The following CWC27 variants were observed in gnomAD, a reference collection of about 807,000 sequenced individuals.
The protein encoded by CWC27 is CWC27 spliceosome associated cyclophilin.
In CWC27, 47 loss-of-function variants were observed where a neutral mutation model predicts 63.6. The observed-to-expected ratio is 0.74, with a 90% CI of 0.58 to 0.94. The LOEUF is 0.94. Ranked by LOEUF, CWC27 falls within the 40% of genes least tolerant of loss-of-function variation. The pLI is 0.00. For synonymous variants in CWC27, 175 were observed against 179.8 expected (o/e 0.97, Z 0.22); for missense variants, 495 against 554.3 (o/e 0.89, Z 1.07).
chr5:64,784,045 A>G, intron 4 of CWC27, 66 bp downstream of exon 4: 1 of 1,330,732 alleles, frequency 7.5e-7, no homozygotes, highest in Non-Finnish European at 1.0e-6. Context: ...TTAGACTTCT[A>G]AGATACATAT....
intron 13 of CWC27, among the ~76,000 whole-genome samples, chr5:65,014,943 T>G (rs995980088): frequency 6.6e-6 from 1 of 152,234 alleles, no homozygotes; most frequent in Non-Finnish European, 1.5e-5. Flanking sequence ...CTGAAGTAGT[T>G]TGTAAGCTGA....
chr5:64,954,740 A>T (rs1748774785), intron 11 of CWC27, among the ~76,000 whole-genome samples: 1 of 146,172 alleles, frequency 6.8e-6, no homozygotes, highest in Non-Finnish European at 1.5e-5. Context: ...CACAAACCAC[A>T]AGCCACAAGC....
At chr5:64,881,486 TGACA>T (rs1223170435) in intron 10 of CWC27, among the ~76,000 whole-genome samples, 5 of 152,162 alleles carry the variant, frequency 3.3e-5, no homozygotes, top group Non-Finnish European at 5.9e-5. Context: ...TATGCCCATA[TGACA>T]GACAGCTCTT....
chr5:64,971,609 C>T, intron 11 of CWC27, 94 bp from the exon 12 acceptor site: 1 of 973,654 alleles, frequency 1.0e-6, no homozygotes, highest in Non-Finnish European at 1.5e-6. Context: ...AGCCCAAGTG[C>T]CAACCTCCTC....
chr5:64,987,011 C>G (rs998212539), intron 13 of CWC27, among the ~76,000 whole-genome samples: 1 of 151,950 alleles, frequency 6.6e-6, no homozygotes, highest in Middle Eastern at 3.4e-3. Context: ...ACCAGAAGTG[C>G]CCTCCCTTTT....
chr5:64,952,926 A>G (rs1748738741), intron 11 of CWC27, among the ~76,000 whole-genome samples: 2 of 152,156 alleles, frequency 1.3e-5, no homozygotes, highest in South Asian at 4.1e-4. Context: ...AGTCTGCTAT[A>G]GAAAACAACA....
At chr5:64,823,744 C>G (rs1745280263) in intron 10 of CWC27, among the ~76,000 whole-genome samples, 1 of 152,154 alleles carries the variant, frequency 6.6e-6, no homozygotes, top group Non-Finnish European at 1.5e-5. Flanking sequence ...TAGAATTTTC[C>G]TGAAGGTGCG....
rs1460221831 is a variant in CWC27, at chr5:64,971,779, A to G, written c.1119A>G (p.Gln373=). 1.2e-6 allele frequency: 2 copies of G among 1,611,654 alleles called. No homozygotes were observed. Among genetic ancestry groups the G allele is most frequent in the African/African-American group, 2.7e-5 (2 of 74,714 alleles). Residue 373 remains glutamine (Q), a synonymous_variant, in exon 12 of 14, where the codon CAA becomes CAG. Coordinates refer to ENST00000381070, the MANE Select transcript of CWC27 (RefSeq NM_005869.4). The part of the protein sequence containing the change: ...EKQKYEALRK[Q]QSKKGTSRED... Reference sequence around the variant, plus strand: ...AAAAGTATGAAGCTTTGAGGAAGCAACAGTCAAAGAAGGGAACTTCCCGGG... The same window carrying G: ...AAAAGTATGAAGCTTTGAGGAAGCAGCAGTCAAAGAAGGGAACTTCCCGGG...
intron 11 of CWC27, among the ~76,000 whole-genome samples, chr5:64,896,517 A>G (rs1364296516): frequency 6.6e-6 from 1 of 152,214 alleles, no homozygotes; most frequent in Non-Finnish European, 1.5e-5. Flanking sequence ...TCGGAAAAGC[A>G]TTCTACGGCC....
chr5:64,874,255 G>T (rs1746743331), intron 10 of CWC27, among the ~76,000 whole-genome samples: 1 of 146,304 alleles, frequency 6.8e-6, no homozygotes, highest in Non-Finnish European at 1.5e-5. Context: ...TCTGCCTCCT[G>T]GGTTCAAGTT....
chr5:64,822,989 A>G (rs935871173), intron 10 of CWC27, among the ~76,000 whole-genome samples: 4 of 152,320 alleles, frequency 2.6e-5, no homozygotes, highest in Non-Finnish European at 2.9e-5. Flanking sequence ...TTGAATAACA[A>G]ATGTTACTCA....
At position 64,977,142 on chromosome 5, in the gene CWC27, C is replaced by G; in HGVS notation, c.1160C>G (p.Ala387Gly). The G allele has an allele frequency of 1.9e-6, 3 of 1,602,370 alleles. No homozygotes were observed. Among genetic ancestry groups the G allele is most frequent in the Non-Finnish European group, 2.6e-6 (3 of 1,172,448 alleles). The change falls in exon 13 of 14, where the codon GCA becomes GGA. Residue 387 changes from alanine to glycine, a missense_variant. Coordinates refer to ENST00000381070, the MANE Select transcript of CWC27 (RefSeq NM_005869.4). ...KGTSREDQTL[A>G]LLNQFKSKLT... Reference sequence around the variant, plus strand: ...GTCTAATTGTTATTTCAGACCCTTGCACTGCTGAACCAGTTTAAATCTAAA... The same window carrying G: ...GTCTAATTGTTATTTCAGACCCTTGGACTGCTGAACCAGTTTAAATCTAAA...
chr5:64,972,514 A>G (rs1450283409), intron 12 of CWC27, among the ~76,000 whole-genome samples: 4 of 146,508 alleles, frequency 2.7e-5, no homozygotes, highest in Non-Finnish European at 4.5e-5. Context: ...ATATATATTA[A>G]TATATATGGA....
intron 11 of CWC27, among the ~76,000 whole-genome samples, chr5:64,926,783 T>C (rs894377663): frequency 1.3e-5 from 2 of 152,200 alleles, no homozygotes; most frequent in African/African-American, 4.8e-5. Flanking sequence ...TCAGCTTCTT[T>C]AACTTTCCTA....
chr5:64,772,313 A>G (rs1396858342), intron 1 of CWC27, among the ~76,000 whole-genome samples: 1 of 152,142 alleles, frequency 6.6e-6, no homozygotes, highest in Non-Finnish European at 1.5e-5. Flanking sequence ...CTTTGTTTAA[A>G]TTCATTATTT....
chr5:64,857,278 CAA>C (rs1402043228), intron 10 of CWC27, among the ~76,000 whole-genome samples: 1 of 152,142 alleles, frequency 6.6e-6, no homozygotes, highest in Non-Finnish European at 1.5e-5. Context: ...TAAAAGAAGA[CAA>C]AGACAGATGT....
rs370593428 is a variant in CWC27, at chr5:64,781,924, A to G, written c.143A>G (p.Tyr48Cys). 352 of 1,527,086 alleles carry G rather than the reference A, an allele frequency of 2.3e-4. 1 individual carries two copies. The highest frequency in any genetic ancestry group is 2.9e-4 in the Non-Finnish European group (324 of 1,110,874). 94.6% of individuals were successfully genotyped at this position (1,527,086 alleles called of 1,614,324 possible). ...ATTATTTTTATTTTTTTTTCAGCTT[A>G]TTATGACAATACCATTTTTCATAGA... is the stretch of plus-strand genomic sequence containing the variant. ...RNFIQLCLEAYYDNTIFHRVV... is the reference protein window; with the variant it reads ...RNFIQLCLEACYDNTIFHRVV... The change falls in exon 3 of 14, where the codon TAT becomes TGT. Residue 48 changes from tyrosine (Y) to cysteine (C), a missense_variant. Transcript: ENST00000381070.
chr5:64,834,889 G>T (rs374518504), intron 10 of CWC27, among the ~76,000 whole-genome samples: 1 of 151,698 alleles, frequency 6.6e-6, no homozygotes, highest in Non-Finnish European at 1.5e-5. Context: ...TTCAGTTGTA[G>T]AACAGGAAAA....
chr5:64,791,517 A>G (rs1420993213), intron 7 of CWC27, among the ~76,000 whole-genome samples: 4 of 152,002 alleles, frequency 2.6e-5, no homozygotes, highest in Non-Finnish European at 4.4e-5. Context: ...ACTGAGTAAA[A>G]TCTTTTCTCT....
Sources: gnomAD v4.1 joint callset for allele counts (sites outside exome capture counted in the v4.1 genomes callset) on GRCh38, gnomAD v4.1.1 for gene constraint, MANE v1.5 for transcripts, NCBI Gene and HGNC (gene_info 2026-07-23, HGNC 2026-07-21) for gene names.